CREB5: variants seen among roughly 807,000 people sequenced by gnomAD.
CREB5 encodes cAMP responsive element binding protein 5, also known as cyclic AMP-responsive element-binding protein 5.
A neutral mutation model predicts 57.1 loss-of-function variants in CREB5; 19 were observed. That is an observed-to-expected ratio of 0.33 (90% CI 0.23 to 0.49). The LOEUF (loss-of-function observed/expected upper bound fraction) is 0.49, where lower values mean the gene tolerates loss of function less well. Among genes scored for constraint, CREB5 ranks in the 20% least tolerant of loss-of-function variants. CREB5 has a pLI of 0.99. For missense variants in CREB5, 579 were observed against 671.6 expected (o/e 0.86, Z 1.52); for synonymous variants, 238 against 238.3 (o/e 1.00, Z 0.01).
intron 5 of CREB5, among the ~76,000 whole-genome samples, chr7:28,673,493 C>T (rs1226762643): frequency 2.6e-5 from 4 of 152,116 alleles, no homozygotes; most frequent in Admixed American, 2.0e-4. Context: ...TGCTTTAAAA[C>T]ATGCTTTATG....
intron 1 of CREB5, among the ~76,000 whole-genome samples, chr7:28,404,674 C>G (rs1217943108): frequency 1.3e-5 from 2 of 152,196 alleles, no homozygotes; most frequent in African/African-American, 2.4e-5. Flanking sequence ...TGAGATGAGG[C>G]CCTGTGTGAC....
At position 28,823,524 on chromosome 7, in the gene CREB5, C is replaced by T. The variant is rs1444055387; in HGVS notation, c.*4245C>T. 1 of 152,548 alleles carries T rather than the reference C, an allele frequency of 6.6e-6. No individual in the cohort carries two copies. Among genetic ancestry groups the T allele is most frequent in the Non-Finnish European group, 1.5e-5 (1 of 68,022 alleles). The allele number at this position is 152,548 out of a possible 1,614,324, so 9.4% of individuals were successfully genotyped here. ...GTTTGCTTAGATCTCTGTGCATAGA[C>T]ATTTCAAGGATTTTTATTGCTCTGT... is the stretch of plus-strand genomic sequence containing the variant. On this transcript the variant is annotated 3_prime_UTR_variant, in exon 11 of 11. Transcript: ENST00000357727.
At chr7:28,359,494 T>A (rs1363253979) in intron 1 of CREB5, among the ~76,000 whole-genome samples, 11 of 152,124 alleles carry the variant, frequency 7.2e-5, no homozygotes. Flanking sequence ...CAATAAAGGG[T>A]GTTGAGGAAA....
intron 1 of CREB5, among the ~76,000 whole-genome samples, chr7:28,378,448 ACT>A (rs1032593259): frequency 1.3e-5 from 2 of 151,190 alleles, no homozygotes; most frequent in South Asian, 2.1e-4. Context: ...ATAAAAAAAA[ACT>A]CTTTTTAATT....
chr7:28,367,002 G>A (rs1786601180), intron 1 of CREB5, among the ~76,000 whole-genome samples: 1 of 151,198 alleles, frequency 6.6e-6, no homozygotes, highest in Non-Finnish European at 1.5e-5. Flanking sequence ...TTGAAGATCT[G>A]AAAATCGCTC....
At chr7:28,370,741 C>T (rs960782077) in intron 1 of CREB5, among the ~76,000 whole-genome samples, 2 of 152,192 alleles carry the variant, frequency 1.3e-5, no homozygotes, top group Admixed American at 6.5e-5. Flanking sequence ...GAGGGAGTTG[C>T]AGTAACAGAA....
intron 1 of CREB5, among the ~76,000 whole-genome samples, chr7:28,383,939 T>C (rs1324636321): frequency 6.6e-6 from 1 of 152,228 alleles, no homozygotes; most frequent in African/African-American, 2.4e-5. Context: ...AAAATTGTAA[T>C]GAAGGGGTGA....
intron 7 of CREB5, among the ~76,000 whole-genome samples, chr7:28,771,162 C>T (rs1806300448): frequency 6.6e-6 from 1 of 152,126 alleles, no homozygotes; most frequent in African/African-American, 2.4e-5. Context: ...CCCTACATCT[C>T]AATGCTTTAA....
At chr7:28,652,026 A>G (rs1799146780) in intron 5 of CREB5, among the ~76,000 whole-genome samples, 1 of 152,192 alleles carries the variant, frequency 6.6e-6, no homozygotes, top group Non-Finnish European at 1.5e-5. Context: ...AGTGAAAGAT[A>G]TTGACATTAT....
chr7:28,764,242 A>C (rs1445081893), intron 7 of CREB5, among the ~76,000 whole-genome samples: 1 of 152,078 alleles, frequency 6.6e-6, no homozygotes, highest in East Asian at 1.9e-4. Flanking sequence ...ATGTTCTCTT[A>C]TTATTTTTTT....
At chr7:28,381,586 G>C (rs1786968579) in intron 1 of CREB5, among the ~76,000 whole-genome samples, 1 of 152,234 alleles carries the variant, frequency 6.6e-6, no homozygotes, top group Non-Finnish European at 1.5e-5. Context: ...AAGCATTACA[G>C]AATGATTGGC....
intron 5 of CREB5, among the ~76,000 whole-genome samples, chr7:28,684,884 A>AC (rs1303857525): frequency 3.9e-5 from 6 of 152,092 alleles, no homozygotes; most frequent in African/African-American, 1.4e-4. Flanking sequence ...CGGAGAGATG[A>AC]TGGGGTTAAA....
chr7:28,405,970 A>G (rs1210525252), intron 1 of CREB5, among the ~76,000 whole-genome samples: 1 of 152,194 alleles, frequency 6.6e-6, no homozygotes, highest in Non-Finnish European at 1.5e-5. Flanking sequence ...CTGACTCAAG[A>G]AACTGACTTT....
chr7:28,336,253 C>T (rs1169637975), intron 1 of CREB5, among the ~76,000 whole-genome samples: 1 of 151,898 alleles, frequency 6.6e-6, no homozygotes, highest in Non-Finnish European at 1.5e-5. Flanking sequence ...TTTTTCAGAA[C>T]AGTTTAAGTA....
chr7:28,518,278 G>A (rs1268751354), intron 4 of CREB5, among the ~76,000 whole-genome samples: 2 of 152,140 alleles, frequency 1.3e-5, no homozygotes, highest in Non-Finnish European at 2.9e-5. Context: ...ATGTTTGGGT[G>A]GGGGTTTATT....
At chr7:28,677,709 G>A (rs971276845) in intron 5 of CREB5, among the ~76,000 whole-genome samples, 1 of 152,146 alleles carries the variant, frequency 6.6e-6, no homozygotes, top group African/African-American at 2.4e-5. Context: ...TTGGGTGGGT[G>A]CTAAAAGAAA....
chr7:28,562,464 G>A (rs999300452), intron 4 of CREB5, among the ~76,000 whole-genome samples: 9 of 152,218 alleles, frequency 5.9e-5, no homozygotes, highest in Non-Finnish European at 1.0e-4. Context: ...GAGTTCTGGG[G>A]ATTGGAGGGG....
chr7:28,633,258 G>A (rs566840724), intron 5 of CREB5, among the ~76,000 whole-genome samples: 160 of 152,252 alleles, frequency 1.1e-3, no homozygotes, highest in Non-Finnish European at 1.5e-3. Flanking sequence ...TATGGGATGC[G>A]TTTTTGTTCC....
At chr7:28,769,963 T>C (rs4722845) in intron 7 of CREB5, among the ~76,000 whole-genome samples, 104,226 of 152,086 alleles carry the variant, frequency 0.69, 36,165 homozygotes, top group East Asian at 0.84. Context: ...GAAACTGGGA[T>C]GGTTCTTGGC....
Sources: allele counts gnomAD v4.1 joint callset (sites outside exome capture counted in the v4.1 genomes callset), GRCh38; gene constraint gnomAD v4.1.1; transcripts MANE v1.5; gene names NCBI Gene and HGNC (gene_info 2026-07-23, HGNC 2026-07-21).